MARCHF1: variants seen among roughly 807,000 people sequenced by gnomAD.
MARCHF1 encodes E3 ubiquitin-protein ligase MARCHF1.
A neutral mutation model predicts 54.2 loss-of-function variants in MARCHF1; 40 were observed. The ratio of observed to expected loss-of-function variants is 0.74; its 90% confidence interval spans 0.57 to 0.96. The LOEUF is 0.96. MARCHF1 is among the 40% of genes least tolerant of loss of function. MARCHF1 has a pLI of 0.00. For synonymous variants in MARCHF1, 236 were observed against 236.3 expected (o/e 1.00, Z 0.01); for missense variants, 586 against 656.5 (o/e 0.89, Z 1.17).
chr4:164,331,613 ATATT>A (rs2110805335), intron 1 of MARCHF1, among the ~76,000 whole-genome samples: 1 of 152,332 alleles, frequency 6.6e-6, no homozygotes, highest in Non-Finnish European at 1.5e-5. Flanking sequence ...GTTTTATAAA[ATATT>A]TATAAGAATG....
intron 1 of MARCHF1, among the ~76,000 whole-genome samples, chr4:164,316,718 C>T (rs982868656): frequency 2.0e-5 from 3 of 152,094 alleles, no homozygotes; most frequent in Admixed American, 2.0e-4. Context: ...AATCCCATGT[C>T]GAATTGTAAT....
intron 2 of MARCHF1, among the ~76,000 whole-genome samples, chr4:164,102,766 A>C (rs1755597262): frequency 6.6e-6 from 1 of 150,910 alleles, no homozygotes; most frequent in South Asian, 2.2e-4. Flanking sequence ...ACATAACAAT[A>C]TTAACTTTAA....
At chr4:164,052,867 C>T (rs973173228) in intron 2 of MARCHF1, among the ~76,000 whole-genome samples, 2 of 152,036 alleles carry the variant, frequency 1.3e-5, no homozygotes, top group African/African-American at 2.4e-5. Context: ...GGTATTTATA[C>T]CTCGATTATC....
intron 1 of MARCHF1, among the ~76,000 whole-genome samples, chr4:164,327,274 G>A (rs189336239): frequency 5.3e-5 from 8 of 152,238 alleles, no homozygotes; most frequent in African/African-American, 2.4e-5. Flanking sequence ...TAGGAGCATC[G>A]CTCAATGAAA....
chr4:163,671,105 G>A (rs950280213), intron 5 of MARCHF1, among the ~76,000 whole-genome samples: 5 of 152,168 alleles, frequency 3.3e-5, no homozygotes, highest in African/African-American at 1.2e-4. Flanking sequence ...CCCTGCTTTA[G>A]CAGTTGGATG....
At chr4:164,129,554 T>C (rs998249409) in intron 1 of MARCHF1, among the ~76,000 whole-genome samples, 2 of 152,164 alleles carry the variant, frequency 1.3e-5, no homozygotes, top group African/African-American at 2.4e-5. Flanking sequence ...GAATTAATCA[T>C]TGAAGTATAT....
At chr4:163,998,665 A>G (rs1753127954) in intron 2 of MARCHF1, among the ~76,000 whole-genome samples, 1 of 151,750 alleles carries the variant, frequency 6.6e-6, no homozygotes, top group African/African-American at 2.4e-5. Context: ...CTCGGTAACC[A>G]TCATTCTACT....
At chr4:163,863,518 A>T (rs1376118168) in intron 3 of MARCHF1, among the ~76,000 whole-genome samples, 1 of 152,104 alleles carries the variant, frequency 6.6e-6, no homozygotes, top group African/African-American at 2.4e-5. Flanking sequence ...AGCATATGCC[A>T]TGTAATAATG....
intron 1 of MARCHF1, among the ~76,000 whole-genome samples, chr4:164,280,216 C>T (rs935860974): frequency 6.6e-6 from 1 of 151,888 alleles, no homozygotes; most frequent in East Asian, 1.9e-4. Context: ...ATTATTGTTC[C>T]TATTTTAGTA....
At chr4:163,582,968 T>C (rs1195055952) in intron 8 of MARCHF1, among the ~76,000 whole-genome samples, 1 of 152,192 alleles carries the variant, frequency 6.6e-6, no homozygotes, top group Non-Finnish European at 1.5e-5. Context: ...AGTGAGACGT[T>C]GGAATACTTT....
At chr4:163,833,510 C>G (rs1013116674) in intron 4 of MARCHF1, among the ~76,000 whole-genome samples, 5 of 151,890 alleles carry the variant, frequency 3.3e-5, no homozygotes, top group African/African-American at 1.2e-4. Context: ...TGAACTCAAA[C>G]AAATTTACAA....
chr4:163,875,984 T>C (rs927833391), intron 3 of MARCHF1, among the ~76,000 whole-genome samples: 1 of 152,084 alleles, frequency 6.6e-6, no homozygotes, highest in African/African-American at 2.4e-5. Context: ...CATAAGGACA[T>C]ATATATTGAA....
chr4:164,369,312 T>C (rs558208148), intron 1 of MARCHF1, among the ~76,000 whole-genome samples: 7 of 152,158 alleles, frequency 4.6e-5, no homozygotes, highest in Non-Finnish European at 5.9e-5. Flanking sequence ...TACCGTGCTA[T>C]GGACTGGAAA....
At chr4:163,860,512 T>C (rs1749899273) in intron 3 of MARCHF1, among the ~76,000 whole-genome samples, 1 of 152,160 alleles carries the variant, frequency 6.6e-6, no homozygotes, top group African/African-American at 2.4e-5. Flanking sequence ...AGGGCATTTC[T>C]TCCACTCCAG....
chr4:163,714,384 C>T (rs984583390), intron 4 of MARCHF1, among the ~76,000 whole-genome samples: 3 of 152,212 alleles, frequency 2.0e-5, no homozygotes, highest in African/African-American at 7.2e-5. Context: ...AAATAGAAAT[C>T]CTGGCCACTC....
intron 5 of MARCHF1, among the ~76,000 whole-genome samples, chr4:163,635,675 A>G (rs375967466): frequency 0.066 from 9,877 of 150,760 alleles, 1,036 homozygotes; most frequent in African/African-American, 0.22. Flanking sequence ...ACAAGGAGGA[A>G]CTGGTACCAT....
At chr4:164,376,352 G>A (rs886386042) in intron 1 of MARCHF1, among the ~76,000 whole-genome samples, 1 of 152,092 alleles carries the variant, frequency 6.6e-6, no homozygotes, top group African/African-American at 2.4e-5. Flanking sequence ...TCATTGTAAT[G>A]GATGTAGCTT....
intron 1 of MARCHF1, among the ~76,000 whole-genome samples, chr4:164,370,920 ATAATAT>A (rs1731021062): frequency 6.6e-6 from 1 of 152,030 alleles, no homozygotes; most frequent in African/African-American, 2.4e-5. Context: ...AAATAAATAA[ATAATAT>A]AAATATAAAT....
At chr4:164,013,026 T>G (rs1223107476) in intron 2 of MARCHF1, among the ~76,000 whole-genome samples, 2 of 152,104 alleles carry the variant, frequency 1.3e-5, no homozygotes, top group Non-Finnish European at 2.9e-5. Context: ...CAGGAAAACA[T>G]GACCTCACCA....
Sources: gnomAD v4.1 joint callset for allele counts (sites outside exome capture counted in the v4.1 genomes callset) on GRCh38, gnomAD v4.1.1 for gene constraint, MANE v1.5 for transcripts, NCBI Gene and HGNC (gene_info 2026-07-23, HGNC 2026-07-21) for gene names.